The following KIF26B variants were observed in gnomAD, a reference collection of about 807,000 sequenced individuals.
The protein encoded by KIF26B is kinesin family member 26B, also known as kinesin-like protein KIF26B.
In KIF26B, 63 loss-of-function variants were observed where a neutral mutation model predicts 151.2. The observed-to-expected ratio is 0.42, with a 90% CI of 0.34 to 0.51. KIF26B has a LOEUF of 0.51. Ranked by LOEUF, KIF26B falls within the 20% of genes least tolerant of loss-of-function variation. The pLI, the probability that KIF26B is intolerant of heterozygous loss-of-function variation, is 0.07. For missense variants in KIF26B, 2,813 were observed against 2,913.6 expected, an observed-to-expected ratio of 0.97 and a Z score of 0.79; for synonymous variants, 1,357 against 1,262.1, an observed-to-expected ratio of 1.08 and a Z score of -1.59.
In KIF26B at chr1:245,572,748, A is replaced by G. The variant is rs1045689430; in HGVS notation, c.1351-29829A>G. On this transcript the variant is annotated intron_variant, in intron 5 of 14. Coordinates refer to ENST00000407071, the MANE Select transcript of KIF26B (RefSeq NM_018012.4). This position sits in a 1 kb window ranked among gnomAD's most constrained non-coding sequence, Gnocchi z 4.2. Reference sequence around the variant, plus strand: ...ATAATGTATTACCTACGTATAGTGTATGTTGTTCGCTTCATTTAGCATGAC... The same window carrying G: ...ATAATGTATTACCTACGTATAGTGTGTGTTGTTCGCTTCATTTAGCATGAC... Among the ~76,000 whole-genome samples, 1 of 152,174 alleles carries G rather than the reference A, an allele frequency of 6.6e-6. No individual in the cohort carries two copies. The highest frequency in any genetic ancestry group is 2.4e-5 in the African/African-American group (1 of 41,438).
intron 2 of KIF26B, among the ~76,000 whole-genome samples, chr1:245,261,569 C>A (rs1358146274): frequency 2.8e-5 from 4 of 140,542 alleles, no homozygotes; most frequent in African/African-American, 1.0e-4. Flanking sequence ...CTGTCCCTCT[C>A]TTTCTCTCGT....
chr1:245,579,061 C>G (rs2043150726), intron 5 of KIF26B, among the ~76,000 whole-genome samples: 4 of 152,136 alleles, frequency 2.6e-5, no homozygotes. Context: ...TAAACTTTTC[C>G]TGTCCTGTTT....
At chr1:245,391,671 A>AG (rs1673704697) in intron 3 of KIF26B, among the ~76,000 whole-genome samples, 2 of 151,826 alleles carry the variant, frequency 1.3e-5, no homozygotes, top group Admixed American at 6.6e-5. Context: ...AAAAAAAAAA[A>AG]AAGAGAGAGA....
chr1:245,701,673 C>CAGGCAGCGT (rs2044774144), intron 14 of KIF26B, among the ~76,000 whole-genome samples: 1 of 152,190 alleles, frequency 6.6e-6, no homozygotes. Flanking sequence ...GCAGGCAGGG[C>CAGGCAGCGT]AGGCAGCGTA....
intron 3 of KIF26B, among the ~76,000 whole-genome samples, chr1:245,410,601 C>T (rs1674255102): frequency 6.6e-6 from 1 of 152,180 alleles, no homozygotes; most frequent in South Asian, 2.1e-4. Flanking sequence ...AGGCGCGTGC[C>T]ACCATGCCTG....
At chr1:245,294,649 G>A (rs542857927) in intron 2 of KIF26B, among the ~76,000 whole-genome samples, 1 of 152,106 alleles carries the variant, frequency 6.6e-6, no homozygotes, top group East Asian at 1.9e-4. Flanking sequence ...GTTCAGACTA[G>A]TTCTTATTAT....
chr1:245,625,294 C>T (rs930132102), intron 9 of KIF26B, among the ~76,000 whole-genome samples: 1 of 149,848 alleles, frequency 6.7e-6, no homozygotes, highest in Non-Finnish European at 1.5e-5. Flanking sequence ...AAATGGATTA[C>T]GTAGAAAAAA....
rs554339702 is a variant in KIF26B at position 245,492,130 on chromosome 1, G to A, written c.1167-48637G>A. 9.2e-5 allele frequency among the ~76,000 whole-genome samples: 14 copies of A among 152,304 alleles called. No individual in the cohort carries two copies. In the South Asian group the frequency reaches 2.9e-3, roughly 32 times the overall value. On this transcript the variant is annotated intron_variant, in intron 4 of 14. Coordinates refer to ENST00000407071, the MANE Select transcript of KIF26B (RefSeq NM_018012.4). ...CCTTCCTGATGTCTGCTTTTACAGC[G>A]GGACAAGCAGCAATGCTGTTGTACT...
At chr1:245,402,703 A>G (rs1185881310) in intron 3 of KIF26B, among the ~76,000 whole-genome samples, 1 of 152,224 alleles carries the variant, frequency 6.6e-6, no homozygotes, top group Non-Finnish European at 1.5e-5. Flanking sequence ...TAGATATGTC[A>G]TACTGAAGGC....
At chr1:245,335,689 C>T (rs183539193) in intron 2 of KIF26B, among the ~76,000 whole-genome samples, 19 of 135,888 alleles carry the variant, frequency 1.4e-4, no homozygotes, top group Admixed American at 3.8e-4. Context: ...GGGTCCCACG[C>T]GGGGAAAGAA....
intron 2 of KIF26B, among the ~76,000 whole-genome samples, chr1:245,328,619 A>T (rs1460382444): frequency 6.6e-6 from 1 of 152,180 alleles, no homozygotes; most frequent in African/African-American, 2.4e-5. Context: ...TCCTTCTAGC[A>T]AAGACCAGGG....
At position 245,512,314 on chromosome 1, in the gene KIF26B, G is replaced by C. The variant is rs894040265; in HGVS notation, c.1167-28453G>C. 2.0e-5 allele frequency among the ~76,000 whole-genome samples: 3 copies of C among 152,122 alleles called. No homozygotes were observed. Among genetic ancestry groups the C allele is most frequent in the African/African-American group, 4.8e-5 (2 of 41,414 alleles). ...TCCCAGCCCCCATCCTTCTCTCTGA[G>C]TCTTGGAACATCATGAAAGACTCTT... is the stretch of plus-strand genomic sequence containing the variant. On this transcript the variant is annotated intron_variant, in intron 4 of 14. Transcript: ENST00000407071. This position sits in a 1 kb window ranked among gnomAD's most constrained non-coding sequence, Gnocchi z 4.3.
At chr1:245,291,756 C>T (rs1671256291) in intron 2 of KIF26B, among the ~76,000 whole-genome samples, 1 of 152,138 alleles carries the variant, frequency 6.6e-6, no homozygotes, top group Non-Finnish European at 1.5e-5. Flanking sequence ...TAAGCTGCGA[C>T]CTAAGAGGTG....
At chr1:245,155,909 C>G (rs182392450) in intron 1 of KIF26B, among the ~76,000 whole-genome samples, 3 of 152,298 alleles carry the variant, frequency 2.0e-5, no homozygotes, top group African/African-American at 4.8e-5. Flanking sequence ...CCTACCCCCC[C>G]CATAGGGTCT....
chr1:245,538,387 C>T (rs1346542341), intron 4 of KIF26B, among the ~76,000 whole-genome samples: 1 of 151,500 alleles, frequency 6.6e-6, no homozygotes, highest in African/African-American at 2.4e-5. Flanking sequence ...AGAGAAATAA[C>T]AACATGTCTA....
rs117834685 is a variant in KIF26B at position 245,410,855 on chromosome 1, C to T, written c.1000-8724C>T. On this transcript the variant is annotated intron_variant, in intron 3 of 14. Transcript: ENST00000407071. ...CACATTGTTACACAACCATCACCACCATCTACCACCAAAAGAACTTTTTCA... is the reference window on the plus strand; with the variant it reads ...CACATTGTTACACAACCATCACCACTATCTACCACCAAAAGAACTTTTTCA... 9.1e-4 allele frequency among the ~76,000 whole-genome samples: 138 copies of T among 152,268 alleles called. 1 individual carries two copies. The East Asian group carries it at 0.026, about 28-fold the overall frequency.
Position 245,227,084 on chromosome 1 carries a change from C to A in KIF26B, c.465+70401C>A, listed in dbSNP as rs1669891465. On this transcript the variant is annotated intron_variant, in intron 2 of 14. Transcript: ENST00000407071. This position sits in a 1 kb window ranked among gnomAD's most constrained non-coding sequence, Gnocchi z 4.1. The stretch of plus-strand genomic sequence containing the variant: ...CAGTCCACCCCTAGCACGGGCCAGT[C>A]CTATGTCGTTTTTTGGCATTTTTGA... Among the ~76,000 whole-genome samples, 1 of 152,124 alleles carries A rather than the reference C, an allele frequency of 6.6e-6. No individual in the cohort carries two copies. Among genetic ancestry groups the A allele is most frequent in the Non-Finnish European group, 1.5e-5 (1 of 68,018 alleles).
chr1:245,165,887 C>G (rs1280121690), intron 2 of KIF26B, among the ~76,000 whole-genome samples: 5 of 152,154 alleles, frequency 3.3e-5, no homozygotes, highest in Admixed American at 1.3e-4. Context: ...CTGGAGAAAG[C>G]CAATGGCATT....
intron 5 of KIF26B, among the ~76,000 whole-genome samples, chr1:245,585,319 G>T (rs1318091778): frequency 1.3e-5 from 2 of 152,174 alleles, no homozygotes; most frequent in African/African-American, 4.8e-5. Context: ...AAACAAAAAC[G>T]TGTCTAGGGA....
Sources: allele counts gnomAD v4.1 joint callset (sites outside exome capture counted in the v4.1 genomes callset), GRCh38; gene constraint gnomAD v4.1.1; non-coding constraint Gnocchi (gnomAD v3.1); transcripts MANE v1.5; gene names NCBI Gene and HGNC (gene_info 2026-07-23, HGNC 2026-07-21).